Variants in GRAMD1A observed in about 807,000 individuals in gnomAD.
GRAMD1A encodes GRAM domain containing 1A.
A neutral mutation model predicts 92.0 loss-of-function variants in GRAMD1A; 50 were observed. The ratio of observed to expected loss-of-function variants is 0.54; its 90% CI spans 0.43 to 0.69. GRAMD1A has a LOEUF of 0.69. GRAMD1A is among the 30% of genes least tolerant of loss of function. The probability of loss-of-function intolerance (pLI) is 0.00; values close to 1 mark genes in which losing one functional copy is unlikely to be tolerated. For synonymous variants in GRAMD1A, 405 were observed against 403.6 expected (o/e 1.00, Z -0.04); for missense variants, 819 against 978.9 (o/e 0.84, Z 2.18).
chr19:35,000,282 G>T, upstream of GRAMD1A: 1 of 1,032,258 alleles, frequency 9.7e-7, no homozygotes. The surrounding 1 kb of genome is among the most constrained non-coding windows in gnomAD (Gnocchi z 4.9). Flanking sequence ...GGGAAGGAAG[G>T]GGGTGTCGCT....
chr19:35,008,777 A>G (rs1041535425), intron 1 of GRAMD1A, among the ~76,000 whole-genome samples: 8 of 152,192 alleles, frequency 5.3e-5, no homozygotes, highest in African/African-American at 1.9e-4. Flanking sequence ...AGATCATGCC[A>G]CTGACTCCAG....
chr19:35,009,755 T>C (rs1047354825), intron 3 of GRAMD1A, 133 bp from the exon 4 acceptor site: 6 of 702,138 alleles, frequency 8.5e-6, no homozygotes, highest in Non-Finnish European at 1.5e-5. Context: ...CAGCTGTCAT[T>C]GTGGCTACTG....
At chr19:35,022,333 T>C (rs66528626) in intron 16 of GRAMD1A, among the ~76,000 whole-genome samples, 27,040 of 152,024 alleles carry the variant, frequency 0.18, 2,457 homozygotes, top group African/African-American at 0.22. Context: ...TGGAATTAGG[T>C]GCACAGGGAG....
At chr19:34,995,572 T>TTTTC (rs1568309947), upstream of GRAMD1A, among the ~76,000 whole-genome samples, 35 of 81,406 alleles carry the variant, frequency 4.3e-4, no homozygotes, top group South Asian at 1.1e-3. Flanking sequence ...AGATCACGGG[T>TTTTC]TTTTTTTTTT....
At chr19:35,011,446 CA>C in intron 6 of GRAMD1A, 27 bp from the exon 7 acceptor site, 4 of 1,544,584 alleles carry the variant, frequency 2.6e-6, no homozygotes, top group Non-Finnish European at 3.6e-6. Context: ...AACCTGCTCA[CA>C]CCTCTCTCTC....
At chr19:35,004,161 C>T (rs187395880) in intron 1 of GRAMD1A, among the ~76,000 whole-genome samples, 7 of 152,174 alleles carry the variant, frequency 4.6e-5, no homozygotes, top group Non-Finnish European at 7.4e-5. Context: ...CCCAAGAGTT[C>T]GGGCCTGGAG....
At position 35,021,526 on chromosome 19, in the gene GRAMD1A, A is replaced by C; in HGVS notation, c.1500A>C (p.Arg500=). The change falls in exon 14 of 20, where the codon CGA becomes CGC. Residue 500 remains arginine (R), a synonymous_variant. Transcript: ENST00000317991. The surrounding 1 kb of genome is among the most constrained non-coding windows in gnomAD (Gnocchi z 5.3). ...RLRVSSEIRY[R]KQPWSLVKSL... The stretch of plus-strand genomic sequence containing the variant: ...GAGTGTCTTCTGAGATCCGCTACCG[A>C]AAGCAGCCGTGGAGCCTGGTGAAGT... The C allele has an allele frequency of 1.9e-6, 3 of 1,614,068 alleles. No individual in the cohort carries two copies. Among genetic ancestry groups the C allele is most frequent in the Non-Finnish European group, 2.5e-6 (3 of 1,179,920 alleles).
chr19:35,012,121 C>T (rs67813969), intron 7 of GRAMD1A, among the ~76,000 whole-genome samples: 39,840 of 152,198 alleles, frequency 0.26, 5,901 homozygotes, highest in Middle Eastern at 0.43. Context: ...CCCCACTTCA[C>T]AGCACCCAGA....
chr19:35,022,982 C>T (rs1600342345), intron 17 of GRAMD1A, 71 bp downstream of exon 17: 9 of 1,200,936 alleles, frequency 7.5e-6, no homozygotes, highest in Non-Finnish European at 1.1e-5. Context: ...CTTCTCCCCA[C>T]CCCATGCCCC....
At chr19:34,997,483 A>G (rs1221491055), upstream of GRAMD1A, among the ~76,000 whole-genome samples, 7 of 152,066 alleles carry the variant, frequency 4.6e-5, no homozygotes, top group Non-Finnish European at 1.0e-4. Flanking sequence ...GTACAAGGAG[A>G]CAGGAAATGG....
chr19:35,010,968 C>T (rs138741772), intron 6 of GRAMD1A, among the ~76,000 whole-genome samples: 7 of 151,806 alleles, frequency 4.6e-5, no homozygotes, highest in Non-Finnish European at 8.8e-5. Context: ...TGTGGTGGCA[C>T]GCACCTGTAG....
rs2015241635 is a variant in GRAMD1A, at chr19:35,011,529, T to G, written c.581T>G (p.Leu194Arg). 1 of 1,611,240 alleles carries G rather than the reference T, an allele frequency of 6.2e-7. No homozygotes were observed. The highest frequency in any genetic ancestry group is 8.5e-7 in the Non-Finnish European group (1 of 1,179,540). The change falls in exon 7 of 20, where the codon CTC becomes CGC. Residue 194 changes from leucine to arginine, a missense_variant. Coordinates refer to ENST00000317991, the MANE Select transcript of GRAMD1A (RefSeq NM_020895.5). ...RDRCFLLIFR[L>R]WQNALLEKTL... ...CGCTGCTTCCTCCTCATCTTCCGCC[T>G]CTGGCAGAATGCACTGCTTGAAAAG...
rs1278665212 is a variant in GRAMD1A at position 35,019,099 on chromosome 19, C to T, written c.1214-92C>T. The T allele has an allele frequency of 6.1e-6, 5 of 817,418 alleles. No individual in the cohort carries two copies. In the African/African-American group the frequency reaches 8.5e-5, roughly 14 times the overall value. The allele number at this position is 817,418 out of a possible 1,614,324, so 50.6% of individuals were successfully genotyped here. ...GGAGTGGTGGGGATTGGGACAGGTC[C>T]CCAGAGAGACCTCCCAGAAGGCTGA... On this transcript the variant is annotated intron_variant, in intron 11 of 19. Transcript: ENST00000317991.
At chr19:35,003,604 C>T (rs1005867780) in intron 1 of GRAMD1A, among the ~76,000 whole-genome samples, 5 of 152,208 alleles carry the variant, frequency 3.3e-5, no homozygotes, top group East Asian at 1.9e-4. Context: ...TCTGTGGCTG[C>T]GGGAAAGTAG....
chr19:35,012,342 C>T (rs559997688), intron 7 of GRAMD1A, among the ~76,000 whole-genome samples: 2 of 151,594 alleles, frequency 1.3e-5, no homozygotes, highest in East Asian at 3.9e-4. Flanking sequence ...TTAGCACCTA[C>T]TTTCCAGATG....
rs1466824604 is a variant in GRAMD1A, at chr19:35,021,902, A to T, written c.1753+38A>T. 1 of 1,609,224 alleles carries T rather than the reference A, an allele frequency of 6.2e-7. No individual in the cohort carries two copies. Among genetic ancestry groups the T allele is most frequent in the Non-Finnish European group, 8.5e-7 (1 of 1,177,190 alleles). On this transcript the variant is annotated intron_variant, in intron 15 of 19. Coordinates refer to ENST00000317991, the MANE Select transcript of GRAMD1A (RefSeq NM_020895.5). This position sits in a 1 kb window ranked among gnomAD's most constrained non-coding sequence, Gnocchi z 5.3. ...GGGGCCGGGTTGGGGTAGGCGGAGG[A>T]TCGGGGGTCCTGGACTGGGCCATCT...
At chr19:35,003,143 C>CGTGA (rs2014523917) in intron 1 of GRAMD1A, among the ~76,000 whole-genome samples, 1 of 141,076 alleles carries the variant, frequency 7.1e-6, no homozygotes, top group Admixed American at 7.1e-5. Flanking sequence ...TTGCTCTGTG[C>CGTGA]GTGTGTGTGT....
In GRAMD1A at chr19:35,013,424, G is replaced by A. The variant is rs1222931908; in HGVS notation, c.719+56G>A. The A allele has an allele frequency of 8.0e-6, 12 of 1,507,524 alleles. No individual in the cohort carries two copies. The highest frequency in any genetic ancestry group is 2.3e-5 in the South Asian group (2 of 87,242). 93.4% of individuals were successfully genotyped at this position (1,507,524 alleles called of 1,614,324 possible). ...TTCGGGGGAGAACAGGACGGTCGGC[G>A]TGCAGAGTTCCTGGAGTGCTGGGGG... On this transcript the variant is annotated intron_variant, in intron 8 of 19. Transcript: ENST00000317991. The surrounding 1 kb of genome is among the most constrained non-coding windows in gnomAD (Gnocchi z 4.9).
intron 1 of GRAMD1A, among the ~76,000 whole-genome samples, chr19:35,005,073 C>A (rs956339469): frequency 3.9e-5 from 6 of 151,976 alleles, no homozygotes; most frequent in Non-Finnish European, 8.8e-5. Flanking sequence ...CCTGCTGGAA[C>A]CCAAGTTCTA....
Sources: allele counts gnomAD v4.1 joint callset (sites outside exome capture counted in the v4.1 genomes callset), GRCh38; gene constraint gnomAD v4.1.1; non-coding constraint Gnocchi (gnomAD v3.1); transcripts MANE v1.5; gene names NCBI Gene and HGNC (gene_info 2026-07-23, HGNC 2026-07-21).